RNF216: variants seen among roughly 807,000 people sequenced by gnomAD.
RNF216 encodes the protein E3 ubiquitin-protein ligase RNF216.
RNF216 carries 72 observed loss-of-function variants against 110.8 expected under a neutral mutation model. The ratio of observed to expected loss-of-function variants is 0.65; its 90% CI spans 0.54 to 0.79. The LOEUF (loss-of-function observed/expected upper bound fraction) is 0.79. Among genes scored for constraint, RNF216 ranks in the 30% least tolerant of loss-of-function variants. The pLI is 0.00. For synonymous variants in RNF216, 495 were observed against 407.5 expected (o/e 1.21, Z -2.59); for missense variants, 1,342 against 1,141.2 (o/e 1.18, Z -2.54).
chr7:5,671,234 A>C (rs1007710698), intron 13 of RNF216, among the ~76,000 whole-genome samples: 2 of 152,306 alleles, frequency 1.3e-5, no homozygotes, highest in South Asian at 4.1e-4. Context: ...CCAGCTGCTC[A>C]TGCCTGAATA....
intron 3 of RNF216, among the ~76,000 whole-genome samples, chr7:5,751,289 C>T (rs1435704292): frequency 1.3e-5 from 2 of 152,068 alleles, no homozygotes; most frequent in African/African-American, 4.8e-5. Flanking sequence ...GCACTGATGC[C>T]CGAAGGTTTG....
chr7:5,740,595 C>T (rs1794699043), intron 4 of RNF216, among the ~76,000 whole-genome samples: 1 of 152,104 alleles, frequency 6.6e-6, no homozygotes, highest in Admixed American at 6.5e-5. Context: ...TAAATGTAAA[C>T]AGCCACAAGG....
In RNF216 at chr7:5,736,533, G is replaced by A. The variant is rs555395018; in HGVS notation, c.1121+2743C>T. 2.6e-5 allele frequency among the ~76,000 whole-genome samples: 4 copies of A among 152,194 alleles called. No individual in the cohort carries two copies. The South Asian group carries it at 6.2e-4, about 24-fold the overall frequency. On this transcript the variant is annotated intron_variant, in intron 5 of 16. Coordinates refer to ENST00000389902, the MANE Select transcript of RNF216 (RefSeq NM_207111.4). ...AGTGCCGAGATTTCAGCCTCTGCCC[G>A]GCCGCCACCCCGTCTGGGAAGTGAG...
At chr7:5,776,686 G>A (rs373109444) in intron 1 of RNF216, among the ~76,000 whole-genome samples, 1 of 150,760 alleles carries the variant, frequency 6.6e-6, no homozygotes. Context: ...AGTGAGAGAC[G>A]TGTCAGATCT....
intron 9 of RNF216, 109 bp from the exon 10 acceptor site, chr7:5,716,875 T>TAC: frequency 1.2e-6 from 1 of 825,132 alleles, no homozygotes; most frequent in African/African-American, 1.7e-5. Flanking sequence ...TCTCTTCAAT[T>TAC]ACACAGTTTA....
rs564586013 is a variant in RNF216, at chr7:5,734,111, T to C, written c.1122-3294A>G. Among the ~76,000 whole-genome samples the C allele has an allele frequency of 5.9e-5, 9 of 151,976 alleles. No individual in the cohort carries two copies. In the South Asian group the frequency reaches 1.7e-3, roughly 28 times the overall value. ...TGCTGGAAGACACAAACATAGCCAA[T>C]AGGAAGGTGGATGCCAGGGTGTGGG... is the stretch of plus-strand genomic sequence containing the variant. On this transcript the variant is annotated intron_variant, in intron 5 of 16. Coordinates refer to ENST00000389902, the MANE Select transcript of RNF216 (RefSeq NM_207111.4).
intron 13 of RNF216, among the ~76,000 whole-genome samples, chr7:5,691,855 TCAG>T (rs1369264840): frequency 2.6e-5 from 4 of 152,246 alleles, no homozygotes; most frequent in African/African-American, 4.8e-5. Flanking sequence ...GTCTGCTTGT[TCAG>T]CAGAACTGCT....
chr7:5,689,279 G>A (rs78664724), intron 13 of RNF216, among the ~76,000 whole-genome samples: 1 of 150,370 alleles, frequency 6.7e-6, no homozygotes, highest in Non-Finnish European at 1.5e-5. Context: ...GTGAGGTATA[G>A]GAAAAGTGAC....
intron 2 of RNF216, among the ~76,000 whole-genome samples, chr7:5,758,519 C>T (rs1795762774): frequency 6.6e-6 from 1 of 152,156 alleles, no homozygotes; most frequent in Admixed American, 6.5e-5. Context: ...TGTGTCACTC[C>T]TGAGACAGCA....
chr7:5,716,745 G>A lies in RNF216; in HGVS notation c.1666C>T (p.Leu556=). ...TGATACTGTTCTTCATTCATCTGTA[G>A]GGCAAGCAAAAAGTCTTCATGCTGA... ...MAEHEDFLLA[L]QMNEEQYQKD... is the part of the protein sequence containing the mutation. The change falls in exon 10 of 17, where the codon CTA becomes TTA. Residue 556 remains leucine (L), a synonymous_variant. Transcript: ENST00000389902. 6.2e-7 allele frequency: 1 copy of A among 1,606,224 alleles called. No individual in the cohort carries two copies. Among genetic ancestry groups the A allele is most frequent in the Non-Finnish European group, 8.5e-7 (1 of 1,175,880 alleles).
intron 15 of RNF216, among the ~76,000 whole-genome samples, chr7:5,632,358 C>T (rs1186815281): frequency 6.6e-6 from 1 of 152,222 alleles, no homozygotes; most frequent in Admixed American, 6.5e-5. Context: ...TCTGTCTCTG[C>T]TCTCCTTCTG....
chr7:5,741,420 C>A lies in RNF216; in HGVS notation c.597G>T (p.Gln199His). The A allele has an allele frequency of 6.2e-7, 1 of 1,614,194 alleles. No homozygotes were observed. Among genetic ancestry groups the A allele is most frequent in the Non-Finnish European group, 8.5e-7 (1 of 1,180,032 alleles). The change falls in exon 4 of 17, where the codon CAG becomes CAT. Residue 199 changes from glutamine to histidine, a missense_variant. Gln to His is a conservative substitution (Grantham distance 24). Transcript: ENST00000389902. ...TESDPLETQN[Q>H]SSEDSETELL... Reference sequence around the variant, plus strand: ...GCTCTGTCTCTGAGTCTTCGGATGACTGGTTCTGAGTTTCCAAAGGATCGC... The same window carrying A: ...GCTCTGTCTCTGAGTCTTCGGATGAATGGTTCTGAGTTTCCAAAGGATCGC...
At position 5,758,796 on chromosome 7, in the gene RNF216, G is replaced by T. The variant is rs532488418; in HGVS notation, c.67+2207C>A. On this transcript the variant is annotated intron_variant, in intron 2 of 16. Coordinates refer to ENST00000389902, the MANE Select transcript of RNF216 (RefSeq NM_207111.4). ...ACAGGCTCATAGGTGGAAGGGACTA[G>T]ACTTGTCACAGATAAGACTGGACTT... is the stretch of plus-strand genomic sequence containing the variant. 5.3e-5 allele frequency among the ~76,000 whole-genome samples: 8 copies of T among 152,148 alleles called. No individual in the cohort carries two copies. The South Asian group carries it at 1.7e-3, about 31-fold the overall frequency.
rs182148190 is a variant in RNF216, at chr7:5,765,410, G to A, written c.-69-4272C>T. The stretch of plus-strand genomic sequence containing the variant: ...GCTTGGAAGGTGGAGGTTGCAGTGA[G>A]CTGAGATTGTGCCACTGCACTCCAG... On this transcript the variant is annotated intron_variant, in intron 1 of 16. Transcript: ENST00000389902. 2.6e-4 allele frequency among the ~76,000 whole-genome samples: 39 copies of A among 152,186 alleles called. No individual in the cohort carries two copies. The East Asian group carries it at 6.6e-3, about 26-fold the overall frequency.
At chr7:5,682,734 G>A (rs963170133) in intron 13 of RNF216, among the ~76,000 whole-genome samples, 1 of 152,118 alleles carries the variant, frequency 6.6e-6, no homozygotes, top group Non-Finnish European at 1.5e-5. Context: ...TAAGTAGCAT[G>A]TAATAGAGTT....
rs372528580 is a variant in RNF216, at chr7:5,624,040, G to A, written c.2452+16C>T. On this transcript the variant is annotated intron_variant, in intron 16 of 16. Coordinates refer to ENST00000389902, the MANE Select transcript of RNF216 (RefSeq NM_207111.4). The surrounding 1 kb of genome is among the most constrained non-coding windows in gnomAD (Gnocchi z 4.4). The stretch of plus-strand genomic sequence containing the variant: ...GGCTGCTGCTCTGTCCTGGGGGCCT[G>A]GGGAGGGGCACTTGCCTCCATTCTT... The A allele has an allele frequency of 1.9e-4, 311 of 1,610,536 alleles. No homozygotes were observed. The highest frequency in any genetic ancestry group is 2.3e-4 in the Non-Finnish European group (270 of 1,178,038).
In RNF216 at chr7:5,741,755, G is replaced by C. The variant is rs769980198; in HGVS notation, c.262C>G (p.Leu88Val). 2 of 1,614,030 alleles carry C rather than the reference G, an allele frequency of 1.2e-6. No homozygotes were observed. The highest frequency in any genetic ancestry group is 1.7e-5 in the Admixed American group (1 of 59,996). The change falls in exon 4 of 17, where the codon CTG (leucine) becomes GTG (valine). Residue 88 changes from leucine (L) to valine (V), a missense_variant. Leu to Val is a conservative substitution (Grantham distance 32). Coordinates refer to ENST00000389902, the MANE Select transcript of RNF216 (RefSeq NM_207111.4). ...LIKPAAQWQD[L>V]KRLGEERPKK... ...GGCCTTTCTTCTCCCAACCTTTTCA[G>C]ATCTTGCCACTGGGCAGCTGGTTTG...
chr7:5,652,571 G>C, intron 13 of RNF216, 61 bp from the exon 14 acceptor site: 1 of 1,117,296 alleles, frequency 9.0e-7, no homozygotes, highest in South Asian at 1.3e-5. Flanking sequence ...AGAAGTTCCT[G>C]TTCAACAAAA....
rs780693172 is a variant in RNF216, at chr7:5,752,939, G to C, written c.108C>G (p.Asp36Glu). ...TTGGAATCCTTTCCTCATCTGAGGA[G>C]TCAGATATGGTGATGGGCCCATCTC... ...NLRDGPITIS[D>E]SSDEERIPML... is the part of the protein sequence containing the mutation. The change falls in exon 3 of 17, where the codon GAC (aspartate) becomes GAG (glutamate). Residue 36 changes from aspartate (D) to glutamate (E), a missense_variant. Physicochemically the swap from Asp to Glu is conservative, Grantham distance 45. Coordinates refer to ENST00000389902, the MANE Select transcript of RNF216 (RefSeq NM_207111.4). The C allele has an allele frequency of 2.5e-5, 41 of 1,611,044 alleles. No homozygotes were observed. Among genetic ancestry groups the C allele is most frequent in the Non-Finnish European group, 3.4e-5 (40 of 1,178,312 alleles).
Sources: allele counts gnomAD v4.1 joint callset (sites outside exome capture counted in the v4.1 genomes callset), GRCh38; gene constraint gnomAD v4.1.1; non-coding constraint Gnocchi (gnomAD v3.1); transcripts MANE v1.5; gene names NCBI Gene and HGNC (gene_info 2026-07-23, HGNC 2026-07-21).